GNA14: variants seen among roughly 807,000 people sequenced by gnomAD.
The protein encoded by GNA14 is guanine nucleotide-binding protein subunit alpha-14.
GNA14 carries 50 observed loss-of-function variants against 42.0 expected under a neutral mutation model. The ratio of observed to expected loss-of-function variants is 1.19; its 90% CI spans 0.95 to 1.51. The LOEUF is 1.51. GNA14 is among the 40% of genes most tolerant of loss of function. GNA14 has a pLI of 0.00. For missense variants in GNA14, 473 were observed against 446.2 expected (o/e 1.06, Z -0.54); for synonymous variants, 173 against 163.1 (o/e 1.06, Z -0.46).
At chr9:77,612,586 A>G (rs944477681) in intron 1 of GNA14, among the ~76,000 whole-genome samples, 3 of 152,188 alleles carry the variant, frequency 2.0e-5, no homozygotes, top group African/African-American at 7.2e-5. Context: ...CTCCTGCTCA[A>G]TATCACTAAT....
intron 1 of GNA14, among the ~76,000 whole-genome samples, chr9:77,624,708 CAGAA>C (rs1823987315): frequency 6.6e-6 from 1 of 152,110 alleles, no homozygotes; most frequent in East Asian, 1.9e-4. Flanking sequence ...AACTAACAAA[CAGAA>C]AGGAATAGCA....
At chr9:77,464,161 C>T (rs1482234583) in intron 2 of GNA14, among the ~76,000 whole-genome samples, 1 of 151,902 alleles carries the variant, frequency 6.6e-6, no homozygotes, top group African/African-American at 2.4e-5. Flanking sequence ...CCACCAAGTC[C>T]GGCTAATTTT....
chr9:77,559,947 G>A (rs575570056), intron 1 of GNA14, among the ~76,000 whole-genome samples: 1 of 152,212 alleles, frequency 6.6e-6, no homozygotes, highest in South Asian at 2.1e-4. Flanking sequence ...ATACACCATT[G>A]GCTTTAGACC....
chr9:77,503,893 G>A (rs1013498397), intron 2 of GNA14, among the ~76,000 whole-genome samples: 1 of 152,078 alleles, frequency 6.6e-6, no homozygotes, highest in African/African-American at 2.4e-5. Context: ...TGTTGGCCAG[G>A]CTGGTTTTGA....
intron 1 of GNA14, chr9:77,580,588 A>C (rs1823205119): frequency 2.0e-6 from 1 of 501,040 alleles, no homozygotes. Flanking sequence ...TTGGGTTTGC[A>C]CCAATGACAT....
intron 1 of GNA14, among the ~76,000 whole-genome samples, chr9:77,623,284 G>A (rs1406344039): frequency 8.0e-6 from 1 of 125,040 alleles, no homozygotes; most frequent in African/African-American, 2.8e-5. Context: ...ATTTGAAATG[G>A]TAAAAACTGG....
intron 1 of GNA14, among the ~76,000 whole-genome samples, chr9:77,646,553 C>G (rs767555272): frequency 6.6e-6 from 1 of 152,244 alleles, no homozygotes; most frequent in East Asian, 1.9e-4. Context: ...CTCTATATTA[C>G]ACTAACTAGA....
intron 1 of GNA14, among the ~76,000 whole-genome samples, chr9:77,573,230 C>T (rs1161366309): frequency 6.6e-6 from 1 of 152,026 alleles, no homozygotes; most frequent in Non-Finnish European, 1.5e-5. Flanking sequence ...AGGTGGATCA[C>T]CCGAGGTCAG....
intron 2 of GNA14, among the ~76,000 whole-genome samples, chr9:77,478,761 C>T (rs1436800501): frequency 6.6e-6 from 1 of 152,156 alleles, no homozygotes; most frequent in Non-Finnish European, 1.5e-5. Context: ...TTTTGATTTG[C>T]ATTTCTCTGA....
chr9:77,509,921 G>A (rs543139569), intron 2 of GNA14, among the ~76,000 whole-genome samples: 3 of 152,284 alleles, frequency 2.0e-5, no homozygotes, highest in African/African-American at 4.8e-5. Flanking sequence ...TAGTGGGAAC[G>A]ACACATCACT....
intron 1 of GNA14, among the ~76,000 whole-genome samples, chr9:77,594,953 T>C (rs1823441403): frequency 6.6e-6 from 1 of 152,266 alleles, no homozygotes; most frequent in Admixed American, 6.5e-5. Context: ...AAGTGAGCAG[T>C]ATTTTGTGTA....
chr9:77,480,630 C>T lies in GNA14; in HGVS notation c.310-46108G>A, dbSNP rs1160832702. 1.2e-4 allele frequency among the ~76,000 whole-genome samples: 18 copies of T among 152,318 alleles called. No homozygotes were observed. In the East Asian group the frequency reaches 3.1e-3, roughly 26 times the overall value. On this transcript the variant is annotated intron_variant, in intron 2 of 6. Transcript: ENST00000341700. ...ATAGTTTCAGAAGGAATGGTACCAG[C>T]TCCTCCTTGTACATCTGGTAGAATT...
rs1363530625 is a variant in GNA14, at chr9:77,464,347, GTATA to G, written c.310-29829_310-29826del. On this transcript the variant is annotated intron_variant, in intron 2 of 6. Coordinates refer to ENST00000341700, the MANE Select transcript of GNA14 (RefSeq NM_004297.4). ...TGTATATATATGTGTGTGTGTGTGT[GTATA>G]TGTGTGTGTGTGTGTGTGTGTGTGT... Among the ~76,000 whole-genome samples the G allele has an allele frequency of 5.1e-4, 60 of 117,736 alleles. 1 individual carries two copies. Among genetic ancestry groups the G allele is most frequent in the African/African-American group, 1.8e-3 (56 of 31,528 alleles). The allele number at this position is 117,736 out of a possible 152,430, so 77.2% of individuals were successfully genotyped here.
chr9:77,556,030 A>G (rs938068816), intron 1 of GNA14, among the ~76,000 whole-genome samples: 4 of 152,166 alleles, frequency 2.6e-5, no homozygotes, highest in Non-Finnish European at 5.9e-5. Context: ...AGATCACCTG[A>G]GGTCAGGAGT....
At chr9:77,546,824 A>G (rs1448489254) in intron 1 of GNA14, among the ~76,000 whole-genome samples, 2 of 152,206 alleles carry the variant, frequency 1.3e-5, no homozygotes, top group African/African-American at 4.8e-5. Context: ...ATGTATTCAA[A>G]AACAGGCTGG....
At chr9:77,505,234 T>C (rs900822876) in intron 2 of GNA14, among the ~76,000 whole-genome samples, 1 of 152,200 alleles carries the variant, frequency 6.6e-6, no homozygotes, top group Non-Finnish European at 1.5e-5. Context: ...TTTGAAAGCA[T>C]AGGCTGAATA....
At chr9:77,490,825 C>T (rs545043438) in intron 2 of GNA14, among the ~76,000 whole-genome samples, 10 of 152,356 alleles carry the variant, frequency 6.6e-5, no homozygotes, top group African/African-American at 1.9e-4. Flanking sequence ...CAGAAAGGGG[C>T]TCCCACAGTG....
intron 1 of GNA14, among the ~76,000 whole-genome samples, chr9:77,588,426 G>T (rs975126883): frequency 7.9e-5 from 12 of 152,204 alleles, no homozygotes; most frequent in Admixed American, 2.0e-4. Flanking sequence ...TCTTGATCCT[G>T]ATGGAGAATG....
At chr9:77,612,406 G>A (rs1474613010) in intron 1 of GNA14, among the ~76,000 whole-genome samples, 1 of 152,164 alleles carries the variant, frequency 6.6e-6, no homozygotes, top group Non-Finnish European at 1.5e-5. Flanking sequence ...AGGGAAAGTA[G>A]CTCCAAACTT....
Sources: allele counts gnomAD v4.1 joint callset (sites outside exome capture counted in the v4.1 genomes callset), GRCh38; gene constraint gnomAD v4.1.1; transcripts MANE v1.5; gene names NCBI Gene and HGNC (gene_info 2026-07-23, HGNC 2026-07-21).